Variants in FRMD4A observed in about 807,000 individuals in gnomAD.
FRMD4A encodes FERM domain containing 4A.
Under a neutral mutation model 129.1 loss-of-function variants are expected in FRMD4A, and 29 were observed. The observed-to-expected ratio is 0.22, with a 90% CI of 0.17 to 0.31. The LOEUF is 0.31. Ranked by LOEUF, FRMD4A falls within the 10% of genes least tolerant of loss-of-function variation. The pLI is 1.00. For synonymous variants in FRMD4A, 634 were observed against 571.6 expected (o/e 1.11, Z -1.56); for missense variants, 1,272 against 1,375.8 (o/e 0.92, Z 1.19).
chr10:13,811,718 G>C (rs955949148), intron 3 of FRMD4A, among the ~76,000 whole-genome samples: 26 of 152,128 alleles, frequency 1.7e-4, no homozygotes, highest in African/African-American at 4.6e-4. Context: ...GCACTGAAGT[G>C]GGGGAGGGAG....
chr10:14,054,615 C>T (rs1834422499), intron 2 of FRMD4A, among the ~76,000 whole-genome samples: 2 of 152,164 alleles, frequency 1.3e-5, no homozygotes. Flanking sequence ...CACGCACACC[C>T]AGCACCCTTG....
chr10:13,656,957 G>A lies in FRMD4A; in HGVS notation c.2632C>T (p.Leu878=), dbSNP rs1475333135. 2.6e-6 allele frequency: 4 copies of A among 1,537,166 alleles called. No homozygotes were observed. The South Asian group carries it at 3.5e-5, about 14-fold the overall frequency. The change falls in exon 22 of 25, where the codon CTG becomes TTG. Residue 878 remains leucine, a synonymous_variant. Coordinates refer to ENST00000357447, the MANE Select transcript of FRMD4A (RefSeq NM_018027.5). ...CCGCCGCGCCAGCTCTCCTTGAACA[G>A]GCCGCCCGCCGTGTAGGAGTTGGAC... ...KTSNSYTAGG[L]FKESWRGGGG...
chr10:13,836,005 A>ATTTTGTTTTCAT (rs145846271), intron 3 of FRMD4A, among the ~76,000 whole-genome samples: 46,776 of 151,758 alleles, frequency 0.31, 7,546 homozygotes, highest in Middle Eastern at 0.46. Context: ...AGAATTCAAG[A>ATTTTGTTTTCAT]TTTTGTTTTT....
intron 2 of FRMD4A, among the ~76,000 whole-genome samples, chr10:14,026,552 G>A (rs1303531439): frequency 1.3e-5 from 2 of 152,216 alleles, no homozygotes; most frequent in African/African-American, 4.8e-5. Flanking sequence ...ATAGGAAGGG[G>A]CGGGCAGTGC....
At chr10:14,254,399 A>C (rs896077054) in intron 2 of FRMD4A, among the ~76,000 whole-genome samples, 3 of 152,168 alleles carry the variant, frequency 2.0e-5, no homozygotes, top group African/African-American at 7.2e-5. Context: ...CTGAGGTGGA[A>C]GAAGGACATC....
At chr10:13,655,226 C>A (rs1307081365) in intron 22 of FRMD4A, 1 of 152,222 alleles carries the variant, frequency 6.6e-6, no homozygotes, top group Non-Finnish European at 1.5e-5. Context: ...TCAGATACAG[C>A]TTAACAATTT....
intron 2 of FRMD4A, among the ~76,000 whole-genome samples, chr10:14,157,315 C>G (rs1035054599): frequency 8.5e-5 from 13 of 152,168 alleles, no homozygotes; most frequent in African/African-American, 3.1e-4. Context: ...CTGGCTCCTC[C>G]CATACTCTTT....
chr10:14,235,646 G>A (rs375489281), intron 2 of FRMD4A, among the ~76,000 whole-genome samples: 5 of 152,170 alleles, frequency 3.3e-5, no homozygotes, highest in Non-Finnish European at 7.3e-5. Flanking sequence ...CCACTGCCAC[G>A]GGTTCAGTGG....
intron 12 of FRMD4A, chr10:13,707,318 G>T: frequency 9.0e-7 from 1 of 1,106,452 alleles, no homozygotes; most frequent in East Asian, 2.8e-5. Flanking sequence ...GGCAATGTGG[G>T]TGTGGATTTT....
At chr10:13,917,755 C>T (rs187429254) in intron 2 of FRMD4A, among the ~76,000 whole-genome samples, 7 of 152,256 alleles carry the variant, frequency 4.6e-5, no homozygotes, top group African/African-American at 7.2e-5. Flanking sequence ...GGGCTGGCAC[C>T]GAAGGTCCCT....
At chr10:14,283,730 T>C (rs1465286860) in intron 2 of FRMD4A, among the ~76,000 whole-genome samples, 1 of 152,270 alleles carries the variant, frequency 6.6e-6, no homozygotes, top group Non-Finnish European at 1.5e-5. Context: ...TTTGTTATTT[T>C]GCAAGTTTGC....
At chr10:13,958,539 TC>T (rs2095425154) in intron 2 of FRMD4A, among the ~76,000 whole-genome samples, 2 of 151,838 alleles carry the variant, frequency 1.3e-5, no homozygotes, top group Non-Finnish European at 2.9e-5. Flanking sequence ...CGCCTCGGCC[TC>T]CCAAACTGCT....
At chr10:14,107,379 C>T (rs1010761118) in intron 2 of FRMD4A, among the ~76,000 whole-genome samples, 2 of 152,104 alleles carry the variant, frequency 1.3e-5, no homozygotes, top group African/African-American at 4.8e-5. Flanking sequence ...TAAAATAAAC[C>T]AAAAGTTGCT....
intron 3 of FRMD4A, among the ~76,000 whole-genome samples, chr10:13,855,422 T>C (rs1264173823): frequency 6.6e-6 from 1 of 152,112 alleles, no homozygotes; most frequent in Non-Finnish European, 1.5e-5. Context: ...ATCTGCCCCA[T>C]CTTATTAATA....
chr10:14,127,450 C>G (rs1031035820), intron 2 of FRMD4A, among the ~76,000 whole-genome samples: 1 of 152,106 alleles, frequency 6.6e-6, no homozygotes, highest in Non-Finnish European at 1.5e-5. Context: ...TCTGGAGAAG[C>G]GAAAGATGGA....
At chr10:14,143,941 A>G (rs1470849065) in intron 2 of FRMD4A, among the ~76,000 whole-genome samples, 1 of 152,184 alleles carries the variant, frequency 6.6e-6, no homozygotes, top group Non-Finnish European at 1.5e-5. Flanking sequence ...ATATTTTGTC[A>G]CAATTAAAAT....
intron 2 of FRMD4A, among the ~76,000 whole-genome samples, chr10:14,220,763 C>T (rs1257567037): frequency 1.3e-5 from 2 of 150,596 alleles, no homozygotes; most frequent in Non-Finnish European, 2.9e-5. Context: ...AAGAGGCAAC[C>T]AGAGGAGTTG....
intron 2 of FRMD4A, among the ~76,000 whole-genome samples, chr10:14,197,795 G>A (rs188402207): frequency 1.3e-5 from 2 of 152,296 alleles, no homozygotes; most frequent in East Asian, 1.9e-4. Context: ...ATGCCTAGAC[G>A]TTTGTCCATA....
In FRMD4A at chr10:14,311,010, G is replaced by T. The variant is rs187131583; in HGVS notation, c.45+19048C>A. On this transcript the variant is annotated intron_variant, in intron 2 of 24. Transcript: ENST00000357447. ...AAGGATGCCGCTTCACTAGCATGGGGTTCAAACACAGCAGACCCTCAATGA... is the reference window on the plus strand; with the variant it reads ...AAGGATGCCGCTTCACTAGCATGGGTTTCAAACACAGCAGACCCTCAATGA... Among the ~76,000 whole-genome samples the T allele has an allele frequency of 2.5e-4, 38 of 152,212 alleles. 1 individual carries two copies. In the East Asian group the frequency reaches 6.8e-3, roughly 27 times the overall value.
Sources: gnomAD v4.1 joint callset for allele counts (sites outside exome capture counted in the v4.1 genomes callset) on GRCh38, gnomAD v4.1.1 for gene constraint, MANE v1.5 for transcripts, NCBI Gene and HGNC (gene_info 2026-07-23, HGNC 2026-07-21) for gene names.